GRIK4: variants seen among roughly 807,000 people sequenced by gnomAD.
The protein encoded by GRIK4 is glutamate ionotropic receptor kainate type subunit 4, also known as glutamate receptor ionotropic, kainate 4.
A neutral mutation model predicts 104.9 loss-of-function variants in GRIK4; 40 were observed. The ratio of observed to expected loss-of-function variants is 0.38; its 90% CI spans 0.30 to 0.50. The LOEUF is 0.50. Ranked by LOEUF, GRIK4 falls within the 20% of genes least tolerant of loss-of-function variation. GRIK4 has a pLI of 0.93. For synonymous variants in GRIK4, 485 were observed against 524.9 expected (o/e 0.92, Z 1.04); for missense variants, 1,047 against 1,308.1 (o/e 0.80, Z 3.08).
chr11:120,867,731 C>G (rs1026021605), intron 9 of GRIK4, among the ~76,000 whole-genome samples: 2 of 151,930 alleles, frequency 1.3e-5, no homozygotes, highest in Non-Finnish European at 2.9e-5. Flanking sequence ...CAGGCCATAC[C>G]TGCCAGGTGG....
chr11:120,975,726 G>C (rs1378322880), intron 19 of GRIK4, among the ~76,000 whole-genome samples: 1 of 152,160 alleles, frequency 6.6e-6, no homozygotes, highest in Non-Finnish European at 1.5e-5. Flanking sequence ...CAGTCATTAG[G>C]ATGCCAGGAT....
chr11:120,710,743 C>T (rs1437373645), intron 3 of GRIK4, among the ~76,000 whole-genome samples: 1 of 152,260 alleles, frequency 6.6e-6, no homozygotes, highest in Non-Finnish European at 1.5e-5. Flanking sequence ...CCCTGCTCCT[C>T]TCTGAGCTGC....
intron 1 of GRIK4, among the ~76,000 whole-genome samples, chr11:120,580,217 TTCTTTCTTTC>T (rs1948554364): frequency 7.2e-6 from 1 of 139,548 alleles, no homozygotes; most frequent in Non-Finnish European, 1.5e-5. Context: ...CTTTCTTTCT[TTCTTTCTTTC>T]TTTCTTTCTT....
intron 1 of GRIK4, among the ~76,000 whole-genome samples, chr11:120,595,908 G>A (rs1052101410): frequency 5.9e-5 from 9 of 152,322 alleles, no homozygotes; most frequent in East Asian, 1.9e-4. Context: ...GTGCAGTGGC[G>A]TGATCTCAGC....
chr11:120,741,275 C>CTTTTT lies in GRIK4; in HGVS notation c.83-61399_83-61395dup, dbSNP rs762543001. On this transcript the variant is annotated intron_variant, in intron 3 of 20. Coordinates refer to ENST00000527524, the MANE Select transcript of GRIK4 (RefSeq NM_014619.5). Reference sequence around the variant, plus strand: ...AGTGGCAGAACAGGCCGTGTGCTTTCTTTTTTTTTTTTTTTTTTTTTTTGA... The same window carrying CTTTTT: ...AGTGGCAGAACAGGCCGTGTGCTTTCTTTTTTTTTTTTTTTTTTTTTTTTTTTTGA... 1.6e-3 allele frequency among the ~76,000 whole-genome samples: 176 copies of CTTTTT among 106,858 alleles called. 3 individuals carry two copies. Among genetic ancestry groups the CTTTTT allele is most frequent in the Non-Finnish European group, 2.2e-3 (118 of 52,694 alleles). The allele number at this position is 106,858 out of a possible 152,430, so 70.1% of individuals were successfully genotyped here. A position where few individuals can be genotyped will look rare whatever the true frequency, so the allele number is the denominator to read the frequency against.
intron 11 of GRIK4, among the ~76,000 whole-genome samples, chr11:120,880,893 T>C (rs936118736): frequency 6.6e-6 from 1 of 152,242 alleles, no homozygotes; most frequent in African/African-American, 2.4e-5. Context: ...GCACCTTCTC[T>C]GTGTCAGGGG....
intron 3 of GRIK4, among the ~76,000 whole-genome samples, chr11:120,728,074 C>A (rs1018996463): frequency 6.6e-6 from 1 of 152,030 alleles, no homozygotes; most frequent in Non-Finnish European, 1.5e-5. Context: ...TGAAAGAGCA[C>A]ACTGTGCACC....
intron 3 of GRIK4, among the ~76,000 whole-genome samples, chr11:120,728,508 G>A (rs766572219): frequency 6.6e-6 from 1 of 152,038 alleles, no homozygotes; most frequent in African/African-American, 2.4e-5. Flanking sequence ...GAGTTAATAG[G>A]GATATATTAT....
chr11:120,970,845 G>T (rs1478247163), intron 19 of GRIK4, among the ~76,000 whole-genome samples: 1 of 152,076 alleles, frequency 6.6e-6, no homozygotes, highest in African/African-American at 2.4e-5. Context: ...CAGTCACTAG[G>T]GTGGTTCTCT....
chr11:120,531,572 T>A (rs1248012523), intron 1 of GRIK4, among the ~76,000 whole-genome samples: 2 of 150,502 alleles, frequency 1.3e-5, no homozygotes, highest in Non-Finnish European at 2.9e-5. Context: ...CCTGTTTCTT[T>A]TTTCTTTTTC....
At chr11:120,687,591 T>C (rs141142208) in intron 3 of GRIK4, among the ~76,000 whole-genome samples, 13 of 152,332 alleles carry the variant, frequency 8.5e-5, no homozygotes, top group Admixed American at 6.5e-4. Context: ...TGGATCTGCC[T>C]AATAACTTTT....
chr11:120,721,900 C>T (rs1227436265), intron 3 of GRIK4, among the ~76,000 whole-genome samples: 3 of 152,314 alleles, frequency 2.0e-5, no homozygotes, highest in Non-Finnish European at 2.9e-5. Flanking sequence ...TTAAGGGAAT[C>T]ATCATTGATA....
Position 120,987,546 on chromosome 11 carries a change from G to A in GRIK4, c.*1286G>A, listed in dbSNP as rs980305794. ...GCTAGGTTCCTGGGAGAGAGGTGGAGTCTCCTAGTCAATACACGGGCCTGG... is the reference window on the plus strand; with the variant it reads ...GCTAGGTTCCTGGGAGAGAGGTGGAATCTCCTAGTCAATACACGGGCCTGG... On this transcript the variant is annotated 3_prime_UTR_variant, in exon 21 of 21. Transcript: ENST00000527524. 6.6e-6 allele frequency: 1 copy of A among 152,244 alleles called. No individual in the cohort carries two copies. Among genetic ancestry groups the A allele is most frequent in the African/African-American group, 2.4e-5 (1 of 41,464 alleles). The allele number at this position is 152,244 out of a possible 1,614,324, so 9.4% of individuals were successfully genotyped here.
chr11:120,862,547 C>T (rs1954289936), intron 9 of GRIK4, among the ~76,000 whole-genome samples: 1 of 152,128 alleles, frequency 6.6e-6, no homozygotes, highest in Non-Finnish European at 1.5e-5. Flanking sequence ...CAAGGGCAAA[C>T]ATCGAGGCTG....
intron 1 of GRIK4, among the ~76,000 whole-genome samples, chr11:120,520,805 T>C (rs1475438296): frequency 6.6e-6 from 1 of 152,206 alleles, no homozygotes; most frequent in Non-Finnish European, 1.5e-5. Context: ...GTTAGACTCA[T>C]GGTCGTTATT....
rs74752203 is a variant in GRIK4, at chr11:120,591,112, A to G, written c.-158-62573A>G. On this transcript the variant is annotated intron_variant, in intron 1 of 20. Transcript: ENST00000527524. The stretch of plus-strand genomic sequence containing the variant: ...TCACCATACTGCGCGATCCAGCCAC[A>G]TGTGAAAGAATAGGACCATGGTGTC... Among the ~76,000 whole-genome samples, 2,638 of 152,092 alleles carry G rather than the reference A, an allele frequency of 0.017. 159 individuals carry two copies. In the East Asian group the frequency reaches 0.2, roughly 11 times the overall value.
intron 3 of GRIK4, among the ~76,000 whole-genome samples, chr11:120,724,481 G>C (rs1489284916): frequency 2.0e-5 from 3 of 152,154 alleles, no homozygotes; most frequent in African/African-American, 7.2e-5. Flanking sequence ...CAGTTTGTTA[G>C]GTGAACTTTG....
At chr11:120,873,902 G>T (rs990717476) in intron 9 of GRIK4, 164 bp from the exon 10 acceptor site, 3 of 605,816 alleles carry the variant, frequency 5.0e-6, no homozygotes, top group Non-Finnish European at 2.9e-6. Flanking sequence ...AGTAGAGCTG[G>T]CCCAGAGACA....
At chr11:120,778,109 T>C (rs1225279965) in intron 3 of GRIK4, among the ~76,000 whole-genome samples, 1 of 152,146 alleles carries the variant, frequency 6.6e-6, no homozygotes, top group Non-Finnish European at 1.5e-5. Flanking sequence ...GGAACAACAT[T>C]CAATGCCTAT....
Sources: gnomAD v4.1 joint callset for allele counts (sites outside exome capture counted in the v4.1 genomes callset) on GRCh38, gnomAD v4.1.1 for gene constraint, MANE v1.5 for transcripts, NCBI Gene and HGNC (gene_info 2026-07-23, HGNC 2026-07-21) for gene names.